The following MAN1C1 variants were observed in gnomAD, a reference collection of about 807,000 sequenced individuals.
The protein encoded by MAN1C1 is mannosidase alpha class 1C member 1.
MAN1C1 carries 49 observed loss-of-function variants against 71.5 expected under a neutral mutation model. That is an observed-to-expected ratio of 0.69 (90% CI 0.54 to 0.87). The LOEUF (loss-of-function observed/expected upper bound fraction) is 0.87, where lower values mean the gene tolerates loss of function less well. Among genes scored for constraint, MAN1C1 ranks in the 40% least tolerant of loss-of-function variants. MAN1C1 has a pLI of 0.00. For synonymous variants in MAN1C1, 352 were observed against 343.7 expected (o/e 1.02, Z -0.27); for missense variants, 743 against 835.0 (o/e 0.89, Z 1.36).
chr1:25,741,609 C>G (rs1443517994), intron 2 of MAN1C1, among the ~76,000 whole-genome samples: 1 of 152,100 alleles, frequency 6.6e-6, no homozygotes, highest in African/African-American at 2.4e-5. Flanking sequence ...ACGCATGAGT[C>G]CATTAGCATG....
intron 2 of MAN1C1, among the ~76,000 whole-genome samples, chr1:25,722,866 A>G (rs2046784920): frequency 6.6e-6 from 1 of 152,160 alleles, no homozygotes; most frequent in Non-Finnish European, 1.5e-5. Context: ...ATCCAATGGG[A>G]ACTCAATATA....
intron 1 of MAN1C1, among the ~76,000 whole-genome samples, chr1:25,639,565 C>T (rs899852247): frequency 6.6e-6 from 1 of 152,154 alleles, no homozygotes; most frequent in Non-Finnish European, 1.5e-5. Flanking sequence ...ATTCTCCACC[C>T]TTCCTTTGTT....
Position 25,618,237 on chromosome 1 carries a change from C to T in MAN1C1, c.440C>T (p.Ala147Val), listed in dbSNP as rs1299672770. 9 of 1,602,108 alleles carry T rather than the reference C, an allele frequency of 5.6e-6. No individual in the cohort carries two copies. The highest frequency in any genetic ancestry group is 4.5e-5 in the East Asian group (2 of 44,322). ...EGVPFRFDFN[A>V]FRSRLRHPVL... The stretch of plus-strand genomic sequence containing the variant: ...GTCCCTTTCCGCTTTGACTTCAACG[C>T]ATTCCGGAGCCGTCTCCGCCACCCG... Residue 147 changes from alanine to valine, a missense_variant, in exon 1 of 12, where the codon GCA becomes GTA. Ala to Val is a moderately conservative substitution (Grantham distance 64). Transcript: ENST00000374332.
At chr1:25,668,644 C>T (rs961752448) in intron 1 of MAN1C1, among the ~76,000 whole-genome samples, 3 of 151,888 alleles carry the variant, frequency 2.0e-5, no homozygotes, top group Admixed American at 1.3e-4. Context: ...CAACCTCCGC[C>T]TCCTGGGTTC....
intron 8 of MAN1C1, 36 bp downstream of exon 8, chr1:25,771,808 T>G (rs2124401634): frequency 1.3e-6 from 2 of 1,540,804 alleles, no homozygotes; most frequent in Middle Eastern, 1.7e-4. Context: ...AGGCCGCTGG[T>G]CACCAGCCCC....
chr1:25,637,898 T>C (rs985262627), intron 1 of MAN1C1, among the ~76,000 whole-genome samples: 5 of 62,460 alleles, frequency 8.0e-5, no homozygotes, highest in African/African-American at 1.2e-4. Flanking sequence ...TAGAACTTTT[T>C]CCATCCTTTT....
At chr1:25,758,964 A>T (rs1386264926) in intron 6 of MAN1C1, 4 of 476,206 alleles carry the variant, frequency 8.4e-6, no homozygotes, top group Non-Finnish European at 1.5e-5. Flanking sequence ...GCCGGGGAAA[A>T]GGTTCTCACT....
intron 7 of MAN1C1, among the ~76,000 whole-genome samples, chr1:25,768,052 A>G (rs1392433475): frequency 2.2e-5 from 1 of 46,052 alleles, no homozygotes; most frequent in Admixed American, 2.7e-4. Flanking sequence ...ATACATCCAC[A>G]CTCCCCTCAC....
At chr1:25,677,341 A>C (rs2046082915) in intron 1 of MAN1C1, among the ~76,000 whole-genome samples, 1 of 152,122 alleles carries the variant, frequency 6.6e-6, no homozygotes, top group South Asian at 2.1e-4. Context: ...CTTTGAATCT[A>C]TAAATCACAG....
chr1:25,672,607 C>A (rs1042653809), intron 1 of MAN1C1, among the ~76,000 whole-genome samples: 2 of 152,142 alleles, frequency 1.3e-5, no homozygotes, highest in African/African-American at 4.8e-5. Flanking sequence ...TTATAAGGAC[C>A]CTTCTGATTG....
chr1:25,650,681 A>G (rs564751684), intron 1 of MAN1C1, among the ~76,000 whole-genome samples: 97 of 152,024 alleles, frequency 6.4e-4, no homozygotes, highest in African/African-American at 2.2e-3. Flanking sequence ...GTGTGTTCTC[A>G]TTCTTTCTTT....
At chr1:25,643,810 C>T (rs2045572654) in intron 1 of MAN1C1, among the ~76,000 whole-genome samples, 2 of 151,876 alleles carry the variant, frequency 1.3e-5, no homozygotes. Context: ...CCCAGCCCTA[C>T]CTCCTTTTAT....
chr1:25,639,305 G>A (rs1423011081), intron 1 of MAN1C1, among the ~76,000 whole-genome samples: 1 of 151,984 alleles, frequency 6.6e-6, no homozygotes, highest in African/African-American at 2.4e-5. Flanking sequence ...AAAAGTTTTT[G>A]TTTGCTATTT....
intron 2 of MAN1C1, among the ~76,000 whole-genome samples, chr1:25,744,265 G>A (rs1332773028): frequency 1.3e-5 from 2 of 152,120 alleles, no homozygotes; most frequent in Admixed American, 6.5e-5. Flanking sequence ...GGGTGAATAC[G>A]GGCCAGGAAC....
At chr1:25,652,184 C>T (rs2045702064) in intron 1 of MAN1C1, among the ~76,000 whole-genome samples, 1 of 152,254 alleles carries the variant, frequency 6.6e-6, no homozygotes, top group African/African-American at 2.4e-5. Context: ...GAGGAGCCTT[C>T]CTGCTGCCGC....
At chr1:25,777,793 TA>T (rs1275754791) in intron 8 of MAN1C1, 1 of 269,658 alleles carries the variant, frequency 3.7e-6, no homozygotes, top group Non-Finnish European at 7.0e-6. Context: ...ACAGAGGACA[TA>T]ATGGAGGAGG....
At chr1:25,651,335 A>C (rs552702810) in intron 1 of MAN1C1, among the ~76,000 whole-genome samples, 1 of 152,168 alleles carries the variant, frequency 6.6e-6, no homozygotes. Context: ...CCCGGCCTGC[A>C]CTGGCCTTGC....
At chr1:25,733,663 G>A (rs60288479) in intron 2 of MAN1C1, among the ~76,000 whole-genome samples, 1 of 151,980 alleles carries the variant, frequency 6.6e-6, no homozygotes, top group African/African-American at 2.4e-5. Flanking sequence ...GGCACACCCC[G>A]AGTACCCAAA....
At chr1:25,664,948 C>T (rs996837896) in intron 1 of MAN1C1, among the ~76,000 whole-genome samples, 4 of 152,208 alleles carry the variant, frequency 2.6e-5, no homozygotes, top group African/African-American at 9.6e-5. Context: ...ACAAGCAAGG[C>T]TGGCGGCTTT....
Sources: gnomAD v4.1 joint callset for allele counts (sites outside exome capture counted in the v4.1 genomes callset) on GRCh38, gnomAD v4.1.1 for gene constraint, MANE v1.5 for transcripts, NCBI Gene and HGNC (gene_info 2026-07-23, HGNC 2026-07-21) for gene names.